OR51B5: variants seen among roughly 807,000 people sequenced by gnomAD.
The protein encoded by OR51B5 is olfactory receptor 51B5.
For missense variants in OR51B5, 456 were observed against 374.6 expected, an observed-to-expected ratio of 1.22 and a Z score of -1.79; for synonymous variants, 186 against 144.8, an observed-to-expected ratio of 1.28 and a Z score of -2.04.
At chr11:5,362,114 A>G (rs372143119) in intron 1 of OR51B5, among the ~76,000 whole-genome samples, 4 of 152,356 alleles carry the variant, frequency 2.6e-5, no homozygotes, top group South Asian at 2.1e-4. Context: ...AAATCCTTAT[A>G]AACCAAAGTC....
At chr11:5,484,078 C>A (rs1309441123) in intron 1 of OR51B5, among the ~76,000 whole-genome samples, 1 of 152,152 alleles carries the variant, frequency 6.6e-6, no homozygotes. Flanking sequence ...CACACCTTTA[C>A]ACCGAGGTCC....
At chr11:5,364,176 G>T (rs1023267569) in intron 1 of OR51B5, among the ~76,000 whole-genome samples, 1 of 152,056 alleles carries the variant, frequency 6.6e-6, no homozygotes, top group Non-Finnish European at 1.5e-5. Context: ...ACCACCTAAG[G>T]GCAAAATATT....
rs187996205 is a variant in OR51B5, at chr11:5,470,883, T to G, written n.84+34686A>C. Among the ~76,000 whole-genome samples, 392 of 152,350 alleles carry G rather than the reference T, an allele frequency of 2.6e-3. 1 individual carries two copies. The highest frequency in any genetic ancestry group is 8.1e-3 in the African/African-American group (337 of 41,584). ...CCCAGCTTAGTATCATGCCTCTGTC[T>G]AATTCATTCGACACAAAGCAACCAA... On this transcript the variant is annotated intron_variant and non_coding_transcript_variant, in intron 1 of 4. Coordinates refer to the OR51B5 transcript ENST00000415970.
chr11:5,399,289 G>C (rs954555008), intron 1 of OR51B5, among the ~76,000 whole-genome samples: 1 of 152,144 alleles, frequency 6.6e-6, no homozygotes, highest in Non-Finnish European at 1.5e-5. Context: ...AACAAGGAAA[G>C]ACAATTATTA....
chr11:5,357,105 G>A (rs1444684068), intron 1 of OR51B5, among the ~76,000 whole-genome samples: 1 of 151,996 alleles, frequency 6.6e-6, no homozygotes, highest in Admixed American at 6.6e-5. Flanking sequence ...CATAATGACA[G>A]GATCAAATTC....
intron 1 of OR51B5, among the ~76,000 whole-genome samples, chr11:5,459,523 T>A (rs1380159363): frequency 1.5e-5 from 2 of 130,344 alleles, no homozygotes; most frequent in Admixed American, 1.4e-4. Context: ...TCTTCTGTGC[T>A]AAACAAATCT....
intron 1 of OR51B5, among the ~76,000 whole-genome samples, chr11:5,356,851 A>C (rs4265620): frequency 0.95 from 119,666 of 126,164 alleles, 57,515 homozygotes; most frequent in Non-Finnish European, 0.98. Context: ...AATTTTCAAC[A>C]CAGAATTTCA....
chr11:5,364,262 T>G (rs1009977857), intron 1 of OR51B5, among the ~76,000 whole-genome samples: 1 of 152,192 alleles, frequency 6.6e-6, no homozygotes, highest in African/African-American at 2.4e-5. Flanking sequence ...TAGATGAGCT[T>G]TTGATCTGTG....
chr11:5,352,487 G>A (rs1328148018), intron 1 of OR51B5: 8 of 1,268,710 alleles, frequency 6.3e-6, no homozygotes, highest in Non-Finnish European at 8.8e-6. Context: ...CAGGGGACCT[G>A]GACAGGATGA....
chr11:5,470,604 G>A (rs908592288), intron 1 of OR51B5, among the ~76,000 whole-genome samples: 3 of 152,108 alleles, frequency 2.0e-5, no homozygotes, highest in African/African-American at 7.2e-5. Context: ...TAAACATAAT[G>A]TGCAAAATTG....
chr11:5,439,474 A>C (rs1850642218), intron 1 of OR51B5, among the ~76,000 whole-genome samples: 1 of 151,846 alleles, frequency 6.6e-6, no homozygotes, highest in Non-Finnish European at 1.5e-5. Context: ...CCAGTTGGAA[A>C]CTCCCCGTTT....
intron 1 of OR51B5, among the ~76,000 whole-genome samples, chr11:5,498,581 G>C (rs1290578270): frequency 1.3e-5 from 2 of 152,056 alleles, no homozygotes; most frequent in Non-Finnish European, 2.9e-5. Context: ...AAGTCAAAAC[G>C]ATATTAGTTT....
At chr11:5,402,429 G>T (rs1202971849) in intron 1 of OR51B5, among the ~76,000 whole-genome samples, 1 of 152,186 alleles carries the variant, frequency 6.6e-6, no homozygotes, top group Non-Finnish European at 1.5e-5. Context: ...CTTGATGGTG[G>T]TCATTTGTCA....
chr11:5,477,872 G>A (rs969958930), intron 1 of OR51B5, among the ~76,000 whole-genome samples: 5 of 152,146 alleles, frequency 3.3e-5, no homozygotes, highest in Admixed American at 2.0e-4. Flanking sequence ...CGCCCACGGA[G>A]TCTCCCTGAT....
chr11:5,393,165 C>A (rs1322354716), intron 1 of OR51B5: 2 of 152,132 alleles, frequency 1.3e-5, no homozygotes, highest in African/African-American at 4.8e-5. Flanking sequence ...TGTTTGCTCA[C>A]AGTTCTAAAT....
At chr11:5,347,626 T>C (rs1386953773), upstream of OR51B5, among the ~76,000 whole-genome samples, 1 of 152,096 alleles carries the variant, frequency 6.6e-6, no homozygotes, top group Non-Finnish European at 1.5e-5. Context: ...AGCCACAATG[T>C]AGACAAAATA....
chr11:5,380,883 T>C (rs1213913912), intron 1 of OR51B5, among the ~76,000 whole-genome samples: 1 of 152,056 alleles, frequency 6.6e-6, no homozygotes, highest in Non-Finnish European at 1.5e-5. Flanking sequence ...CTGGGGATAG[T>C]AGGGCCTTGG....
At chr11:5,466,776 C>T (rs76503639) in intron 1 of OR51B5, among the ~76,000 whole-genome samples, 3 of 152,254 alleles carry the variant, frequency 2.0e-5, no homozygotes, top group East Asian at 1.9e-4. Context: ...GTTCAAATGG[C>T]TCAAAGTAGC....
At chr11:5,357,030 T>C (rs541305020) in intron 1 of OR51B5, among the ~76,000 whole-genome samples, 9 of 151,842 alleles carry the variant, frequency 5.9e-5, no homozygotes, top group Non-Finnish European at 1.2e-4. Context: ...ACATGCCAAA[T>C]TGTAAAGACC....
Sources: allele counts gnomAD v4.1 joint callset (sites outside exome capture counted in the v4.1 genomes callset), GRCh38; gene constraint gnomAD v4.1.1; transcripts MANE v1.5; gene names NCBI Gene and HGNC (gene_info 2026-07-23, HGNC 2026-07-21).